MORC1: variants seen among roughly 807,000 people sequenced by gnomAD.
MORC1 encodes the protein MORC family CW-type zinc finger 1.
MORC1 carries 59 observed loss-of-function variants against 134.9 expected under a neutral mutation model. That is an observed-to-expected ratio of 0.44 (90% CI 0.35 to 0.54). The LOEUF is 0.54. Among genes scored for constraint, MORC1 ranks in the 20% least tolerant of loss-of-function variants. The probability of loss-of-function intolerance (pLI) is 0.00; values close to 1 mark genes in which losing one functional copy is unlikely to be tolerated. For synonymous variants in MORC1, 395 were observed against 391.7 expected (o/e 1.01, Z -0.10); for missense variants, 947 against 1,134.5 (o/e 0.83, Z 2.37).
At chr3:109,036,784 G>A (rs952562880) in intron 14 of MORC1, among the ~76,000 whole-genome samples, 1 of 152,096 alleles carries the variant, frequency 6.6e-6, no homozygotes, top group African/African-American at 2.4e-5. Context: ...CTGCCCTCTT[G>A]TCTCTTCACA....
chr3:109,084,668 C>T (rs1006900257), intron 8 of MORC1, among the ~76,000 whole-genome samples: 2 of 151,972 alleles, frequency 1.3e-5, no homozygotes, highest in Admixed American at 1.3e-4. Flanking sequence ...TTATATGGAA[C>T]CACAGAAGAC....
intron 14 of MORC1, among the ~76,000 whole-genome samples, chr3:109,049,719 T>C (rs1949777249): frequency 6.6e-6 from 1 of 152,070 alleles, no homozygotes; most frequent in Non-Finnish European, 1.5e-5. Flanking sequence ...ACTTTAATGG[T>C]AAGGGGGACA....
rs1011968615 is a variant in MORC1 at position 109,022,123 on chromosome 3, C to T, written c.1704+5628G>A. Among the ~76,000 whole-genome samples, 5 of 152,118 alleles carry T rather than the reference C, an allele frequency of 3.3e-5. No homozygotes were observed. In the South Asian group the frequency reaches 6.2e-4, roughly 19 times the overall value. ...TTTCATCTACAATAACTAGAATAGCCTCTTGTTAGACAAGGGCCTTTAGGT... is the reference window on the plus strand; with the variant it reads ...TTTCATCTACAATAACTAGAATAGCTTCTTGTTAGACAAGGGCCTTTAGGT... On this transcript the variant is annotated intron_variant, in intron 17 of 27. Coordinates refer to ENST00000232603, the MANE Select transcript of MORC1 (RefSeq NM_014429.4).
intron 27 of MORC1, among the ~76,000 whole-genome samples, chr3:108,959,356 T>A (rs754361778): frequency 2.0e-5 from 3 of 152,198 alleles, no homozygotes; most frequent in African/African-American, 2.4e-5. Flanking sequence ...TAGTACAACT[T>A]TTTTTCTCTT....
intron 23 of MORC1, among the ~76,000 whole-genome samples, chr3:108,982,751 GAAGA>G (rs1477267626): frequency 1.4e-5 from 2 of 138,008 alleles, no homozygotes; most frequent in South Asian, 4.7e-4. Flanking sequence ...AGAAGAAGAA[GAAGA>G]AAGAAAGAAA....
At chr3:109,108,708 T>A (rs557809454) in intron 3 of MORC1, among the ~76,000 whole-genome samples, 21 of 151,914 alleles carry the variant, frequency 1.4e-4, no homozygotes, top group South Asian at 4.2e-4. Flanking sequence ...CCATCCTGGC[T>A]AACATGGTGA....
intron 9 of MORC1, among the ~76,000 whole-genome samples, chr3:109,067,891 T>C (rs960614335): frequency 2.0e-5 from 3 of 152,188 alleles, no homozygotes; most frequent in African/African-American, 7.2e-5. Flanking sequence ...AGCAAGGCCC[T>C]ACTCAGGACA....
Position 109,093,572 on chromosome 3 carries a change from G to A in MORC1, c.584-31C>T, listed in dbSNP as rs749081261. ...AGAAAAATAGATGTTTGACTTGTCA[G>A]TATTTTAAATACACTAAATGCTAGT... On this transcript the variant is annotated intron_variant, in intron 7 of 27. Transcript: ENST00000232603. 4 of 1,445,612 alleles carry A rather than the reference G, an allele frequency of 2.8e-6. No homozygotes were observed. The South Asian group carries it at 4.6e-5, about 17-fold the overall frequency. The allele number at this position is 1,445,612 out of a possible 1,614,324, so 89.5% of individuals were successfully genotyped here.
intron 17 of MORC1, among the ~76,000 whole-genome samples, chr3:109,018,486 G>C (rs1948871200): frequency 6.6e-6 from 1 of 151,942 alleles, no homozygotes; most frequent in African/African-American, 2.4e-5. Flanking sequence ...TACCCCCAGA[G>C]ATCTGTTTAT....
chr3:109,063,082 A>C, intron 10 of MORC1, 70 bp downstream of exon 10: 1 of 1,200,004 alleles, frequency 8.3e-7, no homozygotes. Context: ...GTATGTCTCA[A>C]AATAAGTGCA....
intron 21 of MORC1, among the ~76,000 whole-genome samples, chr3:108,988,789 G>A (rs1947966032): frequency 6.6e-6 from 1 of 152,134 alleles, no homozygotes; most frequent in Admixed American, 6.5e-5. Flanking sequence ...ACTCCCAGAA[G>A]AGAAATTTTG....
rs549304864 is a variant in MORC1, at chr3:109,052,106, T to A, written c.1330+2622A>T. Among the ~76,000 whole-genome samples, 12 of 152,330 alleles carry A rather than the reference T, an allele frequency of 7.9e-5. No individual in the cohort carries two copies. The East Asian group carries it at 2.3e-3, about 29-fold the overall frequency. ...TCAAATGCTTAATGTTTTCCTTTTG[T>A]ACCATGTCATACTAGCAGTTAAAGA... is the stretch of plus-strand genomic sequence containing the variant. On this transcript the variant is annotated intron_variant, in intron 14 of 27. Transcript: ENST00000232603.
intron 8 of MORC1, among the ~76,000 whole-genome samples, chr3:109,070,466 C>G (rs1443851619): frequency 3.3e-5 from 5 of 152,122 alleles, no homozygotes; most frequent in South Asian, 2.1e-4. Flanking sequence ...CAGGGAACTT[C>G]TATATTAAAG....
chr3:108,965,630 C>T (rs1205496369), intron 26 of MORC1, among the ~76,000 whole-genome samples: 2 of 152,124 alleles, frequency 1.3e-5, no homozygotes, highest in Non-Finnish European at 2.9e-5. Flanking sequence ...TACAAACTTC[C>T]ATGTATGATA....
At position 109,091,165 on chromosome 3, in the gene MORC1, C is replaced by T. The variant is rs532606789; in HGVS notation, c.689+2271G>A. 2.9e-4 allele frequency among the ~76,000 whole-genome samples: 44 copies of T among 152,078 alleles called. No individual in the cohort carries two copies. The South Asian group carries it at 9.1e-3, about 32-fold the overall frequency. On this transcript the variant is annotated intron_variant, in intron 8 of 27. Coordinates refer to ENST00000232603, the MANE Select transcript of MORC1 (RefSeq NM_014429.4). ...AAGTTAAAAATACATGTATGTTGGCCAGGTGCGGTGGCTCATGCCTGTAAT... is the reference window on the plus strand; with the variant it reads ...AAGTTAAAAATACATGTATGTTGGCTAGGTGCGGTGGCTCATGCCTGTAAT...
At chr3:109,058,329 AAAT>A (rs1950007762) in intron 12 of MORC1, among the ~76,000 whole-genome samples, 2 of 152,234 alleles carry the variant, frequency 1.3e-5, no homozygotes, top group South Asian at 4.1e-4. Flanking sequence ...GAACTAAAAG[AAAT>A]AATGTTAAAT....
At chr3:109,080,315 C>A (rs1016282465) in intron 8 of MORC1, among the ~76,000 whole-genome samples, 2 of 152,100 alleles carry the variant, frequency 1.3e-5, no homozygotes, top group African/African-American at 2.4e-5. Context: ...CAGGGGAATT[C>A]CTCTTTTTAA....
chr3:109,039,493 C>T (rs1949460395), intron 14 of MORC1, among the ~76,000 whole-genome samples: 1 of 152,198 alleles, frequency 6.6e-6, no homozygotes. Context: ...AAGTCTGTTT[C>T]ACCACCTAGA....
intron 14 of MORC1, among the ~76,000 whole-genome samples, chr3:109,040,502 G>A (rs1270597833): frequency 2.0e-5 from 3 of 148,894 alleles, no homozygotes; most frequent in African/African-American, 4.9e-5. Flanking sequence ...AGAAAAGAAA[G>A]GAAGGAAGGA....
Sources: allele counts gnomAD v4.1 joint callset (sites outside exome capture counted in the v4.1 genomes callset), GRCh38; gene constraint gnomAD v4.1.1; transcripts MANE v1.5; gene names NCBI Gene and HGNC (gene_info 2026-07-23, HGNC 2026-07-21).